ETV7: variants seen among roughly 807,000 people sequenced by gnomAD.
The protein encoded by ETV7 is ETS variant transcription factor 7.
ETV7 carries 43 observed loss-of-function variants against 39.1 expected under a neutral mutation model. That is an observed-to-expected ratio of 1.10 (90% CI 0.86 to 1.42). The LOEUF is 1.42. ETV7 is among the 40% of genes most tolerant of loss of function. The probability of loss-of-function intolerance (pLI) is 0.00; values close to 1 mark genes in which losing one functional copy is unlikely to be tolerated. For missense variants in ETV7, 432 were observed against 442.3 expected, an observed-to-expected ratio of 0.98 and a Z score of 0.21; for synonymous variants, 196 against 176.6, an observed-to-expected ratio of 1.11 and a Z score of -0.87.
intron 2 of ETV7, among the ~76,000 whole-genome samples, chr6:36,380,665 A>C (rs532390941): frequency 1.1e-4 from 17 of 152,178 alleles, no homozygotes; most frequent in Non-Finnish European, 1.8e-4. Flanking sequence ...GCTTCTTTAC[A>C]TAGTCACTGA....
intron 2 of ETV7, 42 bp from the exon 3 acceptor site, chr6:36,376,077 C>T: frequency 6.4e-7 from 1 of 1,556,522 alleles, no homozygotes; most frequent in Non-Finnish European, 8.7e-7. Flanking sequence ...CCCGTCGGGC[C>T]TCCTCAAAGA....
chr6:36,377,528 T>A (rs1190599837), intron 2 of ETV7, among the ~76,000 whole-genome samples: 1 of 152,110 alleles, frequency 6.6e-6, no homozygotes, highest in African/African-American at 2.4e-5. Flanking sequence ...GCTCACTGGG[T>A]TCAGTTCTAC....
intron 3 of ETV7, among the ~76,000 whole-genome samples, chr6:36,373,782 A>G (rs902349046): frequency 6.6e-6 from 1 of 152,218 alleles, no homozygotes; most frequent in Non-Finnish European, 1.5e-5. Context: ...GTGGTGGATG[A>G]ATTTTAGAAA....
chr6:36,375,796 G>T (rs2234078), intron 3 of ETV7, 75 bp downstream of exon 3: 34,557 of 1,605,360 alleles, frequency 0.022, 1,034 homozygotes, highest in African/African-American at 0.11. Context: ...CCCTCCCTGG[G>T]CCCCCCGGGG....
At chr6:36,385,893 A>C (rs1270377459) in intron 1 of ETV7, among the ~76,000 whole-genome samples, 1 of 152,168 alleles carries the variant, frequency 6.6e-6, no homozygotes, top group Non-Finnish European at 1.5e-5. Context: ...CAAGCTTTCC[A>C]TGCATGTGCC....
At chr6:36,362,081 G>A (rs1204201161), downstream of ETV7, among the ~76,000 whole-genome samples, 1 of 152,032 alleles carries the variant, frequency 6.6e-6, no homozygotes, top group Non-Finnish European at 1.5e-5. Context: ...GGCGGATCAC[G>A]AGGTCAGGAG....
downstream of ETV7, among the ~76,000 whole-genome samples, chr6:36,362,062 A>G (rs1382825566): frequency 6.6e-6 from 1 of 151,762 alleles, no homozygotes; most frequent in Non-Finnish European, 1.5e-5. Flanking sequence ...ACTTTGGGAG[A>G]CTGAGGCAGG....
chr6:36,370,272 C>T (rs1306442647), intron 5 of ETV7, among the ~76,000 whole-genome samples: 7 of 152,158 alleles, frequency 4.6e-5, no homozygotes, highest in Non-Finnish European at 5.9e-5. Flanking sequence ...CGGTGGTTCA[C>T]GCCTGTAATC....
At position 36,359,435 on chromosome 6, in the gene ETV7, G is replaced by A. The variant is rs1472489914; in HGVS notation, c.909-4748C>T. Among the ~76,000 whole-genome samples, 4 of 146,764 alleles carry A rather than the reference G, an allele frequency of 2.7e-5. No individual in the cohort carries two copies. The Admixed American group carries it at 2.7e-4, about 10-fold the overall frequency. ...CATTGCTCTCCAGCCTGGGTAACAAGAGCGAAACTCAGTCTCAAAAAAAAA... is the reference window on the plus strand; with the variant it reads ...CATTGCTCTCCAGCCTGGGTAACAAAAGCGAAACTCAGTCTCAAAAAAAAA... On this transcript the variant is annotated intron_variant, in intron 7 of 7. Transcript: ENST00000339796.
chr6:36,354,198 GTT>G (rs35625100), exon 8 of ETV7: 12,446 of 134,158 alleles, frequency 0.093, 954 homozygotes, highest in African/African-American at 0.22. Context: ...CATCCTATGG[GTT>G]TTTTTTTTTT....
intron 5 of ETV7, among the ~76,000 whole-genome samples, chr6:36,369,832 G>C (rs1415127740): frequency 1.3e-5 from 2 of 152,000 alleles, no homozygotes; most frequent in Non-Finnish European, 2.9e-5. Flanking sequence ...CTTGAGCCCA[G>C]GAATTTGAGG....
intron 3 of ETV7, among the ~76,000 whole-genome samples, chr6:36,375,661 G>A (rs1012742194): frequency 8.5e-5 from 13 of 152,160 alleles, no homozygotes; most frequent in African/African-American, 3.1e-4. Flanking sequence ...CTGAAAACAA[G>A]TGGTCAAATG....
chr6:36,364,218 C>T (rs866939850), downstream of ETV7, among the ~76,000 whole-genome samples: 7 of 152,260 alleles, frequency 4.6e-5, no homozygotes, highest in African/African-American at 7.2e-5. Flanking sequence ...GCCAGTCCGG[C>T]GCCGTGAGCC....
At chr6:36,359,310 G>A (rs1772415592) in intron 7 of ETV7, among the ~76,000 whole-genome samples, 1 of 152,090 alleles carries the variant, frequency 6.6e-6, no homozygotes, top group South Asian at 2.1e-4. Flanking sequence ...AATTAGCCAG[G>A]TGTGGTGGTG....
intron 5 of ETV7, among the ~76,000 whole-genome samples, chr6:36,370,487 A>T (rs1273041164): frequency 1.3e-5 from 2 of 152,036 alleles, no homozygotes; most frequent in Non-Finnish European, 2.9e-5. Flanking sequence ...GTGAGTTGAG[A>T]TCATGCCACA....
chr6:36,359,391 C>T (rs1157036988), intron 7 of ETV7, among the ~76,000 whole-genome samples: 4 of 150,794 alleles, frequency 2.7e-5, no homozygotes, highest in South Asian at 2.1e-4. Flanking sequence ...GCGGAGGTTG[C>T]GGTGAGCCAA....
chr6:36,357,183 T>A (rs906270199), intron 7 of ETV7, among the ~76,000 whole-genome samples: 1 of 152,050 alleles, frequency 6.6e-6, no homozygotes, highest in African/African-American at 2.4e-5. Context: ...TTGAACAGAT[T>A]TCAACTGAAA....
At chr6:36,380,137 G>A (rs1312487310) in intron 2 of ETV7, among the ~76,000 whole-genome samples, 1 of 152,108 alleles carries the variant, frequency 6.6e-6, no homozygotes, top group Non-Finnish European at 1.5e-5. Context: ...GGTAATACAC[G>A]TAAAATGCGT....
intron 5 of ETV7, among the ~76,000 whole-genome samples, chr6:36,369,313 A>C (rs1342738770): frequency 1.3e-5 from 2 of 152,350 alleles, no homozygotes; most frequent in East Asian, 3.9e-4. Flanking sequence ...AAATGGGCTC[A>C]GAGGTGCAGA....
Sources: gnomAD v4.1 joint callset for allele counts (sites outside exome capture counted in the v4.1 genomes callset) on GRCh38, gnomAD v4.1.1 for gene constraint, MANE v1.5 for transcripts, NCBI Gene and HGNC (gene_info 2026-07-23, HGNC 2026-07-21) for gene names.